Variants in UBE2E3 observed in about 807,000 individuals in gnomAD.
The protein encoded by UBE2E3 is ubiquitin conjugating enzyme E2 E3.
In UBE2E3, 5 loss-of-function variants were observed where a neutral mutation model predicts 23.6. The ratio of observed to expected loss-of-function variants is 0.21; its 90% CI spans 0.11 to 0.44. The LOEUF is 0.44. Among genes scored for constraint, UBE2E3 ranks in the 20% least tolerant of loss-of-function variants. The pLI is 0.99. For missense variants in UBE2E3, 81 were observed against 249.8 expected (o/e 0.32, Z 4.55); for synonymous variants, 78 against 87.5 (o/e 0.89, Z 0.60).
intron 3 of UBE2E3, among the ~76,000 whole-genome samples, chr2:181,000,593 C>T (rs752899418): frequency 3.4e-5 from 5 of 147,442 alleles, no homozygotes; most frequent in African/African-American, 1.0e-4. Flanking sequence ...CTCGCTCTGT[C>T]GCCCAGGCTG....
intron 3 of UBE2E3, among the ~76,000 whole-genome samples, chr2:181,009,615 A>G (rs1167319156): frequency 3.3e-5 from 3 of 90,242 alleles, no homozygotes; most frequent in Non-Finnish European, 8.6e-5. Context: ...AATATATTTC[A>G]GTATACACCA....
chr2:180,998,833 C>T (rs537154871), intron 3 of UBE2E3, among the ~76,000 whole-genome samples: 20 of 152,252 alleles, frequency 1.3e-4, no homozygotes, highest in East Asian at 7.7e-4. Context: ...AAATCGTCAA[C>T]GGCAGTTCCT....
chr2:181,053,745 ATGT>A (rs1331267321), intron 3 of UBE2E3, among the ~76,000 whole-genome samples: 1 of 151,764 alleles, frequency 6.6e-6, no homozygotes, highest in African/African-American at 2.4e-5. Context: ...TTCACTCTTG[ATGT>A]TGTACATTTT....
chr2:180,998,341 G>A (rs937564645), intron 3 of UBE2E3, among the ~76,000 whole-genome samples: 10 of 152,104 alleles, frequency 6.6e-5, no homozygotes, highest in Admixed American at 2.0e-4. Context: ...GTAGGCCAAG[G>A]GTGGCCTACT....
intron 4 of UBE2E3, 71 bp from the exon 5 acceptor site, chr2:181,060,594 A>AT (rs546469157): frequency 1.9e-3 from 2,541 of 1,316,700 alleles, no homozygotes; most frequent in Admixed American, 3.8e-3. Context: ...ATTACCCTTC[A>AT]TTTTTTTTTA....
At chr2:180,989,689 G>A (rs946512152) in intron 3 of UBE2E3, among the ~76,000 whole-genome samples, 1 of 152,050 alleles carries the variant, frequency 6.6e-6, no homozygotes, top group Non-Finnish European at 1.5e-5. Flanking sequence ...TTTTATTAAG[G>A]ATCTATTAAG....
chr2:180,999,419 T>G (rs553633234), intron 3 of UBE2E3, among the ~76,000 whole-genome samples: 10 of 152,332 alleles, frequency 6.6e-5, no homozygotes, highest in African/African-American at 1.9e-4. Flanking sequence ...CACATCTGTT[T>G]GAATACGTGG....
At chr2:181,055,484 A>G (rs1237884722) in intron 3 of UBE2E3, among the ~76,000 whole-genome samples, 1 of 151,560 alleles carries the variant, frequency 6.6e-6, no homozygotes, top group Non-Finnish European at 1.5e-5. Context: ...CAGATGGTAC[A>G]TTTATGAGAA....
In UBE2E3 at chr2:180,984,036, C is replaced by T. The variant is rs746167971; in HGVS notation, c.195-7C>T. 5.0e-6 allele frequency: 8 copies of T among 1,609,704 alleles called. No homozygotes were observed. In the South Asian group the frequency reaches 5.5e-5, roughly 11 times the overall value. Reference sequence around the variant, plus strand: ...ATCCTTTTTGTCTCTTCTCATTTCACTAACAGAATTCAGAAGGAGCTAGCT... The same window carrying T: ...ATCCTTTTTGTCTCTTCTCATTTCATTAACAGAATTCAGAAGGAGCTAGCT... On this transcript the variant is annotated splice_region_variant and splice_polypyrimidine_tract_variant and intron_variant, in intron 2 of 5. Transcript: ENST00000410062.
rs1206207155 is a variant in UBE2E3 at position 181,041,234 on chromosome 2, C to CAAAAAAAA, written c.246-16447_246-16440dup. On this transcript the variant is annotated intron_variant, in intron 3 of 5. Transcript: ENST00000410062. ...CTAACGACAGAGCAAGACTCCGTCT[C>CAAAAAAAA]AAAAAAAAAAAAAAAAAAAGATAGA... is the stretch of plus-strand genomic sequence containing the variant. Among the ~76,000 whole-genome samples the CAAAAAAAA allele has an allele frequency of 3.1e-3, 237 of 77,144 alleles. 14 individuals carry two copies. The highest frequency in any genetic ancestry group is 0.011 in the African/African-American group (216 of 18,948). 50.6% of individuals were successfully genotyped at this position (77,144 alleles called of 152,430 possible).
At chr2:180,982,279 CTTCCAGGTGGTT>C in intron 2 of UBE2E3, 43 bp downstream of exon 2, 1 of 1,570,298 alleles carries the variant, frequency 6.4e-7, no homozygotes, top group South Asian at 1.2e-5. Flanking sequence ...GTCAGGTTGT[CTTCCAGGTGGTT>C]GGACGCTTTT....
At chr2:181,059,820 A>G (rs537432741) in intron 4 of UBE2E3, among the ~76,000 whole-genome samples, 1 of 151,736 alleles carries the variant, frequency 6.6e-6, no homozygotes, top group South Asian at 2.1e-4. Flanking sequence ...TTTCAGGAAG[A>G]CACTTTTGAG....
intron 3 of UBE2E3, among the ~76,000 whole-genome samples, chr2:181,021,698 A>C (rs1021650137): frequency 2.1e-5 from 2 of 93,876 alleles, no homozygotes; most frequent in Non-Finnish European, 4.3e-5. Flanking sequence ...TCTTTTAAAT[A>C]TACTATATCT....
chr2:181,032,886 A>G (rs923573030), intron 3 of UBE2E3, among the ~76,000 whole-genome samples: 85 of 152,164 alleles, frequency 5.6e-4, no homozygotes, highest in Middle Eastern at 3.2e-3. Context: ...TTAAACACCA[A>G]TAACAGACGC....
intron 3 of UBE2E3, among the ~76,000 whole-genome samples, chr2:181,017,373 C>T (rs888531335): frequency 6.6e-6 from 1 of 151,876 alleles, no homozygotes; most frequent in Non-Finnish European, 1.5e-5. Flanking sequence ...GGGATGGTTG[C>T]GTCTGAGGTT....
At chr2:181,051,161 T>C (rs938245031) in intron 3 of UBE2E3, among the ~76,000 whole-genome samples, 2 of 151,920 alleles carry the variant, frequency 1.3e-5, no homozygotes, top group Admixed American at 6.6e-5. Flanking sequence ...GGATCTTTTT[T>C]ATGTTTTTAA....
At chr2:181,038,723 T>G (rs1686379883) in intron 3 of UBE2E3, among the ~76,000 whole-genome samples, 1 of 151,308 alleles carries the variant, frequency 6.6e-6, no homozygotes, top group African/African-American at 2.5e-5. Context: ...CATGCAAGTC[T>G]TAACATACAA....
chr2:181,037,392 A>T (rs1686329147), intron 3 of UBE2E3, among the ~76,000 whole-genome samples: 1 of 152,048 alleles, frequency 6.6e-6, no homozygotes, highest in African/African-American at 2.4e-5. Context: ...CTCTATGTGT[A>T]TGTTATTGCT....
At chr2:181,015,517 A>G (rs1442220025) in intron 3 of UBE2E3, among the ~76,000 whole-genome samples, 2 of 152,228 alleles carry the variant, frequency 1.3e-5, no homozygotes, top group Non-Finnish European at 2.9e-5. Context: ...ATAAATGATA[A>G]AAGTATAATC....
Sources: allele counts gnomAD v4.1 joint callset (sites outside exome capture counted in the v4.1 genomes callset), GRCh38; gene constraint gnomAD v4.1.1; transcripts MANE v1.5; gene names NCBI Gene and HGNC (gene_info 2026-07-23, HGNC 2026-07-21).